The following FECH variants were observed in gnomAD, a reference collection of about 807,000 sequenced individuals.
FECH encodes ferrochelatase, mitochondrial.
FECH carries 40 observed loss-of-function variants against 56.9 expected under a neutral mutation model. The ratio of observed to expected loss-of-function variants is 0.70; its 90% CI spans 0.55 to 0.92. The LOEUF (loss-of-function observed/expected upper bound fraction) is 0.92, where lower values mean the gene tolerates loss of function less well. Among genes scored for constraint, FECH ranks in the 40% least tolerant of loss-of-function variants. The pLI is 0.00. For missense variants in FECH, 431 were observed against 529.1 expected (o/e 0.81, Z 1.82); for synonymous variants, 175 against 198.6 (o/e 0.88, Z 1.00).
chr18:57,561,861 C>T (rs965887420), intron 6 of FECH, among the ~76,000 whole-genome samples: 4 of 152,160 alleles, frequency 2.6e-5, no homozygotes, highest in African/African-American at 9.7e-5. Context: ...GCAACACAGC[C>T]ATCAATGGTG....
At chr18:57,551,098 G>T in intron 10 of FECH, 1 of 637,132 alleles carries the variant, frequency 1.6e-6, no homozygotes. Context: ...TGGAAAGCAG[G>T]TTTTAAATCA....
At position 57,551,369 on chromosome 18, in the gene FECH, T is replaced by A. The variant is rs762793549; in HGVS notation, c.1083A>T (p.Gly361=). The A allele has an allele frequency of 1.4e-5, 23 of 1,612,386 alleles. No individual in the cohort carries two copies. The highest frequency in any genetic ancestry group is 2.0e-5 in the Non-Finnish European group (23 of 1,178,686). Residue 361 remains glycine, a synonymous_variant, in exon 10 of 11, where the codon GGA becomes GGT. Transcript: ENST00000262093. ...ACTCAGCTCTTCTGATGTTTTCAAC[T>A]CCACACTGAATCAAATGAGAAAAGG... ...EYSQVLAKEC[G]VENIRRAESL...
At chr18:57,556,738 C>T (rs932664761) in intron 7 of FECH, among the ~76,000 whole-genome samples, 2 of 151,734 alleles carry the variant, frequency 1.3e-5, no homozygotes, top group African/African-American at 4.8e-5. Flanking sequence ...TGGTGAAACC[C>T]TGTCTCTTCA....
intron 3 of FECH, 139 bp from the exon 4 acceptor site, chr18:57,571,679 G>T: frequency 8.2e-7 from 1 of 1,221,090 alleles, no homozygotes; most frequent in Non-Finnish European, 1.2e-6. Flanking sequence ...GAAGCTTGAG[G>T]TCATTGACAA....
At position 57,546,329 on chromosome 18, in the gene FECH, A is replaced by T. The variant is rs1219840410; in HGVS notation, c.*4383T>A. On this transcript the variant is annotated 3_prime_UTR_variant, in exon 11 of 11. Transcript: ENST00000262093. ...TTCTGCCTTCCCGCTGTCGTTGGGCAAGGTGGTCCTTTGCCGCATCGACAG... is the reference window on the plus strand; with the variant it reads ...TTCTGCCTTCCCGCTGTCGTTGGGCTAGGTGGTCCTTTGCCGCATCGACAG... Among the ~76,000 whole-genome samples the T allele has an allele frequency of 6.6e-6, 1 of 152,150 alleles. No homozygotes were observed. The highest frequency in any genetic ancestry group is 1.9e-4 in the East Asian group (1 of 5,196).
At chr18:57,569,837 CTTT>C (rs113125690) in intron 4 of FECH, among the ~76,000 whole-genome samples, 6 of 143,972 alleles carry the variant, frequency 4.2e-5, no homozygotes, top group Non-Finnish European at 6.1e-5. Flanking sequence ...ATAATAAAAC[CTTT>C]TTTTTTTTTT....
At chr18:57,585,255 T>C (rs1027056834) in intron 1 of FECH, among the ~76,000 whole-genome samples, 1 of 152,216 alleles carries the variant, frequency 6.6e-6, no homozygotes. Flanking sequence ...TCTTTTCCTA[T>C]CAACCAAAAT....
At chr18:57,554,540 C>A in intron 8 of FECH, 116 bp from the exon 9 acceptor site, 1 of 1,077,018 alleles carries the variant, frequency 9.3e-7, no homozygotes, top group South Asian at 1.3e-5. Flanking sequence ...CCACTCTTTA[C>A]ACCTGCTTGA....
chr18:57,550,613 G>A lies in FECH; in HGVS notation c.*99C>T. ...AAAGGCTGTATATATATCAAGGAAG[G>A]ATGACTTCCTTCCTTGATCTCTAAA... On this transcript the variant is annotated 3_prime_UTR_variant, in exon 11 of 11. Transcript: ENST00000262093. 1 of 1,501,464 alleles carries A rather than the reference G, an allele frequency of 6.7e-7. No individual in the cohort carries two copies. The highest frequency in any genetic ancestry group is 1.1e-5 in the South Asian group (1 of 87,200). 93.0% of individuals were successfully genotyped at this position (1,501,464 alleles called of 1,614,324 possible).
In FECH at chr18:57,580,084, T is replaced by C. The variant is rs76286732; in HGVS notation, c.183A>G (p.Gln61=). The C allele has an allele frequency of 3.4e-4, 552 of 1,614,126 alleles. 4 individuals carry two copies. The African/African-American group carries it at 6.4e-3, about 19-fold the overall frequency. Residue 61 remains glutamine, a synonymous_variant, in exon 2 of 11, where the codon CAA becomes CAG. Transcript: ENST00000262093. ...TGTTAGACTCATACCTCTTCTGCGGTTGAACTTGAGGTTTTGCACCCTGGG... is the reference window on the plus strand; with the variant it reads ...TGTTAGACTCATACCTCTTCTGCGGCTGAACTTGAGGTTTTGCACCCTGGG... ...QHAQGAKPQV[Q]PQKRKPKTGI...
chr18:57,551,492 T>A (rs2050797915), intron 9 of FECH, 118 bp from the exon 10 acceptor site: 1 of 779,780 alleles, frequency 1.3e-6, no homozygotes, highest in East Asian at 2.7e-5. Context: ...ATTCAAAGTC[T>A]GACTTCAACT....
At chr18:57,561,689 T>C (rs933068078) in intron 6 of FECH, among the ~76,000 whole-genome samples, 1 of 152,172 alleles carries the variant, frequency 6.6e-6, no homozygotes, top group African/African-American at 2.4e-5. Context: ...TTAATGCAAA[T>C]CTAATTACTC....
chr18:57,566,694 T>C (rs909695983), intron 4 of FECH, 113 bp from the exon 5 acceptor site: 3 of 1,334,848 alleles, frequency 2.2e-6, no homozygotes, highest in African/African-American at 2.9e-5. Flanking sequence ...TAATTTCCTA[T>C]GGCACTGACG....
chr18:57,562,751 C>A (rs2050961111), intron 6 of FECH, 123 bp downstream of exon 6: 4 of 738,086 alleles, frequency 5.4e-6, no homozygotes, highest in African/African-American at 1.7e-5. Flanking sequence ...TATTTAATCC[C>A]AAACACACAA....
chr18:57,585,077 T>G (rs1568157054), intron 1 of FECH, among the ~76,000 whole-genome samples: 1 of 151,672 alleles, frequency 6.6e-6, no homozygotes. Flanking sequence ...AAAAAAATAA[T>G]TCATATAGAT....
chr18:57,552,588 T>C (rs959472093), intron 9 of FECH, among the ~76,000 whole-genome samples: 1 of 150,748 alleles, frequency 6.6e-6, no homozygotes, highest in African/African-American at 2.4e-5. Flanking sequence ...TTAGTAGAGA[T>C]GGGGTTTCAC....
intron 5 of FECH, among the ~76,000 whole-genome samples, chr18:57,564,421 T>C (rs1167710211): frequency 5.3e-5 from 8 of 152,296 alleles, no homozygotes; most frequent in East Asian, 1.9e-4. Context: ...CTGAATCCTA[T>C]GAAACCAAGT....
chr18:57,561,996 A>G (rs948321216), intron 6 of FECH, among the ~76,000 whole-genome samples: 12 of 152,146 alleles, frequency 7.9e-5, no homozygotes, highest in African/African-American at 2.2e-4. Context: ...CTCTGGGGAG[A>G]GCTGGCCTGA....
At chr18:57,586,474 G>T in intron 1 of FECH, 80 bp downstream of exon 1, 1 of 1,430,608 alleles carries the variant, frequency 7.0e-7, no homozygotes, top group Non-Finnish European at 9.4e-7. Flanking sequence ...GGGCGCGAGG[G>T]CCCGGGCGCC....
Sources: gnomAD v4.1 joint callset for allele counts (sites outside exome capture counted in the v4.1 genomes callset) on GRCh38, gnomAD v4.1.1 for gene constraint, MANE v1.5 for transcripts, NCBI Gene and HGNC (gene_info 2026-07-23, HGNC 2026-07-21) for gene names.